Variants in SNX31 observed in about 807,000 individuals in gnomAD.
The protein encoded by SNX31 is sorting nexin 31, also known as sorting nexin-31.
Under a neutral mutation model 65.4 loss-of-function variants are expected in SNX31, and 58 were observed. That is an observed-to-expected ratio of 0.89 (90% CI 0.72 to 1.10). The LOEUF is 1.10. Ranked by LOEUF, SNX31 falls within the 50% of genes least tolerant of loss-of-function variation. The pLI, the probability that SNX31 is intolerant of heterozygous loss-of-function variation, is 0.00. For missense variants in SNX31, 523 were observed against 529.7 expected, an observed-to-expected ratio of 0.99 and a Z score of 0.12; for synonymous variants, 181 against 190.1, an observed-to-expected ratio of 0.95 and a Z score of 0.39.
At position 100,625,906 on chromosome 8, in the gene SNX31, G is replaced by A. The variant is rs1352700385; in HGVS notation, c.321+4421C>T. 6.6e-6 allele frequency among the ~76,000 whole-genome samples: 1 copy of A among 152,122 alleles called. No individual in the cohort carries two copies. Among genetic ancestry groups the A allele is most frequent in the Non-Finnish European group, 1.5e-5 (1 of 68,030 alleles). ...TCAGCATGGCTGGGGAAAGAAAAGGGACTGGCATTAAGATTTTGCTTTTTA... is the reference window on the plus strand; with the variant it reads ...TCAGCATGGCTGGGGAAAGAAAAGGAACTGGCATTAAGATTTTGCTTTTTA... On this transcript the variant is annotated intron_variant, in intron 4 of 13. Transcript: ENST00000311812. This position sits in a 1 kb window ranked among gnomAD's most constrained non-coding sequence, Gnocchi z 4.2.
At chr8:100,579,746 A>G (rs537536151) in intron 12 of SNX31, among the ~76,000 whole-genome samples, 1 of 152,258 alleles carries the variant, frequency 6.6e-6, no homozygotes, top group Admixed American at 6.5e-5. Context: ...TAAGGTAATC[A>G]GGAATCAGAA....
upstream of SNX31, among the ~76,000 whole-genome samples, chr8:100,653,377 G>A (rs191378445): frequency 1.6e-4 from 25 of 152,244 alleles, no homozygotes; most frequent in African/African-American, 4.8e-4. Flanking sequence ...TTGGAAATAG[G>A]GTCTTGGCAG....
Position 100,640,183 on chromosome 8 carries a change from A to G in SNX31, c.142-4172T>C, listed in dbSNP as rs59794668. 7.9e-3 allele frequency among the ~76,000 whole-genome samples: 1,202 copies of G among 152,260 alleles called. 20 individuals are homozygous for G. Among genetic ancestry groups the G allele is most frequent in the African/African-American group, 0.028 (1,154 of 41,536 alleles). ...GCTCTTGTTGCCCAGGCTGGAGTGC[A>G]ATGGTGCCATCTTGGCTCACTGCAA... On this transcript the variant is annotated intron_variant, in intron 2 of 13. Coordinates refer to ENST00000311812, the MANE Select transcript of SNX31 (RefSeq NM_152628.4).
At chr8:100,640,365 A>C (rs908027328) in intron 2 of SNX31, among the ~76,000 whole-genome samples, 2 of 152,184 alleles carry the variant, frequency 1.3e-5, no homozygotes, top group African/African-American at 2.4e-5. Context: ...ACCTCAGGTG[A>C]TCCACCCACC....
chr8:100,610,146 A>G lies in SNX31; in HGVS notation c.612-1583T>C, dbSNP rs1358115092. Reference sequence around the variant, plus strand: ...CCTCCTTTCTTCCCAGTTCCCATCAACAGAGGCAATCTGCCTAGATCTGAG... The same window carrying G: ...CCTCCTTTCTTCCCAGTTCCCATCAGCAGAGGCAATCTGCCTAGATCTGAG... On this transcript the variant is annotated intron_variant, in intron 7 of 13. Coordinates refer to ENST00000311812, the MANE Select transcript of SNX31 (RefSeq NM_152628.4). This position sits in a 1 kb window ranked among gnomAD's most constrained non-coding sequence, Gnocchi z 4.0. 6.6e-6 allele frequency among the ~76,000 whole-genome samples: 1 copy of G among 152,226 alleles called. No individual in the cohort carries two copies. Among genetic ancestry groups the G allele is most frequent in the Admixed American group, 6.5e-5 (1 of 15,284 alleles).
intron 4 of SNX31, among the ~76,000 whole-genome samples, chr8:100,628,198 T>C (rs1456203263): frequency 1.3e-5 from 2 of 152,194 alleles, no homozygotes; most frequent in East Asian, 1.9e-4. Context: ...CTCAGGGATC[T>C]AGAACTAGAA....
At position 100,612,867 on chromosome 8, in the gene SNX31, T is replaced by C; in HGVS notation, c.523+128A>G. 1.3e-6 allele frequency: 1 copy of C among 796,944 alleles called. No homozygotes were observed. The highest frequency in any genetic ancestry group is 2.2e-6 in the Non-Finnish European group (1 of 461,252). 49.4% of individuals were successfully genotyped at this position (796,944 alleles called of 1,614,324 possible). Reference sequence around the variant, plus strand: ...CCTATTCCCTAAACCCTTAACCCAGTGACTGAGAACAGTGGTAGGGATCAC... The same window carrying C: ...CCTATTCCCTAAACCCTTAACCCAGCGACTGAGAACAGTGGTAGGGATCAC... On this transcript the variant is annotated intron_variant, in intron 6 of 13. Transcript: ENST00000311812. This position sits in a 1 kb window ranked among gnomAD's most constrained non-coding sequence, Gnocchi z 4.3.
chr8:100,594,241 C>G lies in SNX31; in HGVS notation c.978+2398G>C, dbSNP rs902939150. On this transcript the variant is annotated intron_variant, in intron 10 of 13. Coordinates refer to ENST00000311812, the MANE Select transcript of SNX31 (RefSeq NM_152628.4). The surrounding 1 kb of genome is among the most constrained non-coding windows in gnomAD (Gnocchi z 4.0). Reference sequence around the variant, plus strand: ...ATCCCTTGAACCTGGGAGGTGGAGGCTGCAGTGAGCTGAAATTGCACCACT... The same window carrying G: ...ATCCCTTGAACCTGGGAGGTGGAGGGTGCAGTGAGCTGAAATTGCACCACT... Among the ~76,000 whole-genome samples, 5 of 151,992 alleles carry G rather than the reference C, an allele frequency of 3.3e-5. No individual in the cohort carries two copies. The highest frequency in any genetic ancestry group is 1.2e-4 in the African/African-American group (5 of 41,384).
chr8:100,596,906 A>T, intron 9 of SNX31, 64 bp from the exon 10 acceptor site: 1 of 1,384,950 alleles, frequency 7.2e-7, no homozygotes, highest in East Asian at 2.3e-5. Flanking sequence ...CACTTGAAAC[A>T]GATGAAAACC....
chr8:100,656,000 G>T (rs765491677), intron 1 of SNX31, among the ~76,000 whole-genome samples: 1 of 152,144 alleles, frequency 6.6e-6, no homozygotes, highest in Non-Finnish European at 1.5e-5. Context: ...AAACTGGGTG[G>T]GAGGCCTGGG....
intron 1 of SNX31, among the ~76,000 whole-genome samples, chr8:100,659,382 G>A (rs536749577): frequency 3.3e-5 from 5 of 150,858 alleles, no homozygotes; most frequent in Non-Finnish European, 7.4e-5. Flanking sequence ...AAAAAAGCGT[G>A]GGGGGACATC....
chr8:100,652,714 A>G (rs185208066), upstream of SNX31, among the ~76,000 whole-genome samples: 103 of 152,214 alleles, frequency 6.8e-4, no homozygotes, highest in Non-Finnish European at 1.2e-3. Flanking sequence ...ATAATGAGGT[A>G]TGGCTCTGTC....
At chr8:100,591,486 C>T (rs1276885717) in intron 10 of SNX31, among the ~76,000 whole-genome samples, 4 of 79,890 alleles carry the variant, frequency 5.0e-5, no homozygotes, top group Non-Finnish European at 6.3e-5. Flanking sequence ...GAGACTCCGT[C>T]TCAAAAAAAA....
chr8:100,587,490 T>C (rs1490382469), intron 11 of SNX31, among the ~76,000 whole-genome samples: 2 of 152,216 alleles, frequency 1.3e-5, no homozygotes, highest in Non-Finnish European at 2.9e-5. Context: ...GCTGATTAGC[T>C]ACCCTGAACA....
rs566315991 is a variant in SNX31, at chr8:100,627,549, A to C, written c.321+2778T>G. 2.0e-5 allele frequency among the ~76,000 whole-genome samples: 3 copies of C among 151,820 alleles called. No individual in the cohort carries two copies. The East Asian group carries it at 5.8e-4, about 29-fold the overall frequency. ...AAAAGAGCAACGTCAATTTAAAAAA[A>C]TTTTTTTTTCGAGACAGAGTCTTGC... On this transcript the variant is annotated intron_variant, in intron 4 of 13. Transcript: ENST00000311812.
intron 1 of SNX31, among the ~76,000 whole-genome samples, chr8:100,656,406 A>AAGGC (rs71274991): frequency 0.23 from 34,626 of 151,780 alleles, 4,040 homozygotes; most frequent in Admixed American, 0.3. Context: ...TTGGGAGGCC[A>AAGGC]AGGCAGGCAG....
At chr8:100,640,192 A>G (rs1050059654) in intron 2 of SNX31, among the ~76,000 whole-genome samples, 2 of 152,166 alleles carry the variant, frequency 1.3e-5, no homozygotes, top group Admixed American at 6.5e-5. Flanking sequence ...CAATGGTGCC[A>G]TCTTGGCTCA....
chr8:100,653,781 G>C (rs765586416), upstream of SNX31, among the ~76,000 whole-genome samples: 38 of 152,244 alleles, frequency 2.5e-4, 1 homozygote, highest in Non-Finnish European at 4.4e-5. Flanking sequence ...CCAGAGAGCA[G>C]AGGGCTGAGC....
intron 8 of SNX31, among the ~76,000 whole-genome samples, chr8:100,601,421 A>C (rs1412445116): frequency 6.6e-6 from 1 of 152,250 alleles, no homozygotes; most frequent in Non-Finnish European, 1.5e-5. Context: ...CAAAAAATAA[A>C]TATAAAACAA....
Sources: gnomAD v4.1 joint callset for allele counts (sites outside exome capture counted in the v4.1 genomes callset) on GRCh38, gnomAD v4.1.1 for gene constraint, Gnocchi (gnomAD v3.1) non-coding constraint, MANE v1.5 for transcripts, NCBI Gene and HGNC (gene_info 2026-07-23, HGNC 2026-07-21) for gene names.